SLC25A21: variants seen among roughly 807,000 people sequenced by gnomAD.
SLC25A21 encodes mitochondrial 2-oxodicarboxylate carrier.
SLC25A21 carries 47 observed loss-of-function variants against 43.8 expected under a neutral mutation model. The ratio of observed to expected loss-of-function variants is 1.07; its 90% confidence interval spans 0.85 to 1.37. SLC25A21 has a LOEUF of 1.37. Ranked by LOEUF, SLC25A21 falls within the 40% of genes most tolerant of loss-of-function variation. The pLI, the probability that SLC25A21 is intolerant of heterozygous loss-of-function variation, is 0.00. For synonymous variants in SLC25A21, 131 were observed against 121.3 expected, an observed-to-expected ratio of 1.08 and a Z score of -0.52; for missense variants, 352 against 350.2, an observed-to-expected ratio of 1.00 and a Z score of -0.04.
At chr14:36,987,905 A>G (rs1334546945) in intron 1 of SLC25A21, among the ~76,000 whole-genome samples, 3 of 152,146 alleles carry the variant, frequency 2.0e-5, no homozygotes, top group Non-Finnish European at 4.4e-5. Flanking sequence ...GTTCTTTCAT[A>G]TGGGCTTGGC....
chr14:37,067,326 A>C (rs1029236735), intron 1 of SLC25A21, among the ~76,000 whole-genome samples: 1 of 152,218 alleles, frequency 6.6e-6, no homozygotes, highest in African/African-American at 2.4e-5. Flanking sequence ...GATTATTCCT[A>C]AAGAGCATCA....
At chr14:37,039,406 T>C (rs1303743750) in intron 1 of SLC25A21, among the ~76,000 whole-genome samples, 2 of 152,160 alleles carry the variant, frequency 1.3e-5, no homozygotes, top group African/African-American at 2.4e-5. Flanking sequence ...TTCATTCCCT[T>C]TAGTACATCC....
At chr14:36,823,998 G>A (rs1003311503) in intron 2 of SLC25A21, among the ~76,000 whole-genome samples, 4 of 152,164 alleles carry the variant, frequency 2.6e-5, no homozygotes, top group Admixed American at 6.5e-5. Context: ...CCCTCTCACT[G>A]TCCCTGGGAA....
chr14:36,923,389 G>A (rs952036651), intron 1 of SLC25A21, among the ~76,000 whole-genome samples: 1 of 152,074 alleles, frequency 6.6e-6, no homozygotes. Context: ...CAAAATCTGA[G>A]AGCATTCATT....
chr14:36,758,121 T>A (rs1279024388), intron 3 of SLC25A21, among the ~76,000 whole-genome samples: 2 of 152,178 alleles, frequency 1.3e-5, no homozygotes, highest in African/African-American at 4.8e-5. Flanking sequence ...CAGCCAATGG[T>A]GAACTCTTAC....
chr14:36,687,666 G>A (rs79923792), intron 7 of SLC25A21, among the ~76,000 whole-genome samples: 2,665 of 152,244 alleles, frequency 0.018, 77 homozygotes, highest in African/African-American at 0.062. Context: ...CTGTGTGTGC[G>A]AGGACAACTG....
intron 1 of SLC25A21, among the ~76,000 whole-genome samples, chr14:37,095,913 A>G (rs1457387613): frequency 6.6e-6 from 1 of 152,108 alleles, no homozygotes; most frequent in Non-Finnish European, 1.5e-5. Context: ...CATGGGCCTC[A>G]GGTTGTGGAT....
chr14:36,710,745 C>G (rs984542876), intron 7 of SLC25A21, among the ~76,000 whole-genome samples: 1 of 152,038 alleles, frequency 6.6e-6, no homozygotes, highest in African/African-American at 2.4e-5. Context: ...ACTATCATTT[C>G]AAAATAATAA....
chr14:36,743,148 T>G (rs1041575000), intron 3 of SLC25A21, among the ~76,000 whole-genome samples: 1 of 152,118 alleles, frequency 6.6e-6, no homozygotes, highest in Non-Finnish European at 1.5e-5. Flanking sequence ...TAGTGTGATA[T>G]GAGAACCAGA....
intron 1 of SLC25A21, among the ~76,000 whole-genome samples, chr14:37,031,703 T>C (rs1961214567): frequency 6.6e-6 from 1 of 152,194 alleles, no homozygotes; most frequent in African/African-American, 2.4e-5. Context: ...AAATATTCAC[T>C]CCTACTTTCA....
chr14:36,740,823 T>G (rs1885223736), intron 3 of SLC25A21, among the ~76,000 whole-genome samples: 1 of 152,180 alleles, frequency 6.6e-6, no homozygotes, highest in South Asian at 2.1e-4. Context: ...TGTCTCTCAT[T>G]AGTAGGGTCC....
intron 3 of SLC25A21, among the ~76,000 whole-genome samples, chr14:36,810,958 AGGGTCAGG>A (rs1193483129): frequency 2.0e-5 from 3 of 151,722 alleles, no homozygotes; most frequent in African/African-American, 2.4e-5. Flanking sequence ...TAGAGAAAAG[AGGGTCAGG>A]GAGGGTGAAA....
intron 2 of SLC25A21, among the ~76,000 whole-genome samples, chr14:36,829,709 G>C (rs1888965340): frequency 8.1e-5 from 1 of 12,380 alleles, no homozygotes; most frequent in South Asian, 0.042. Flanking sequence ...GTCTAATGCT[G>C]GTTCCCTTAA....
At chr14:37,118,032 C>G (rs533060742) in intron 1 of SLC25A21, among the ~76,000 whole-genome samples, 44 of 152,114 alleles carry the variant, frequency 2.9e-4, no homozygotes, top group African/African-American at 1.1e-3. Flanking sequence ...TAGCCCTCCC[C>G]AGAAACTAAA....
At chr14:37,038,108 A>T (rs1394246152) in intron 1 of SLC25A21, among the ~76,000 whole-genome samples, 1 of 152,146 alleles carries the variant, frequency 6.6e-6, no homozygotes, top group Non-Finnish European at 1.5e-5. Context: ...AGAAGGATCA[A>T]GACAAATGAC....
chr14:37,112,928 T>C (rs1320057946), intron 1 of SLC25A21, among the ~76,000 whole-genome samples: 1 of 152,106 alleles, frequency 6.6e-6, no homozygotes, highest in Non-Finnish European at 1.5e-5. Flanking sequence ...TAACATAAGC[T>C]TTTTCTACTT....
rs915462440 is a variant in SLC25A21, at chr14:36,679,100, A to G, written c.*1558T>C. ...AGGTTCAATTTCATGACCTCTATGC[A>G]GGCAGCGCTCTCATTGGATGTAAGA... On this transcript the variant is annotated 3_prime_UTR_variant, in exon 10 of 10. Coordinates refer to ENST00000331299, the MANE Select transcript of SLC25A21 (RefSeq NM_030631.4). 5 of 985,318 alleles carry G rather than the reference A, an allele frequency of 5.1e-6. No individual in the cohort carries two copies. In the African/African-American group the frequency reaches 5.2e-5, roughly 10 times the overall value. 61.0% of individuals were successfully genotyped at this position (985,318 alleles called of 1,614,324 possible). A position where few individuals can be genotyped will look rare whatever the true frequency, so the allele number is the denominator to read the frequency against.
At chr14:37,126,514 C>T (rs1448460104) in intron 1 of SLC25A21, among the ~76,000 whole-genome samples, 1 of 151,146 alleles carries the variant, frequency 6.6e-6, no homozygotes, top group Non-Finnish European at 1.5e-5. Context: ...GTATATTTTA[C>T]ATTACAAGTT....
At chr14:37,049,459 C>T (rs1042784058) in intron 1 of SLC25A21, among the ~76,000 whole-genome samples, 11 of 151,878 alleles carry the variant, frequency 7.2e-5, no homozygotes, top group Non-Finnish European at 1.6e-4. Flanking sequence ...ACAGTCCTAG[C>T]AATTAGGGAG....
Sources: allele counts gnomAD v4.1 joint callset (sites outside exome capture counted in the v4.1 genomes callset), GRCh38; gene constraint gnomAD v4.1.1; transcripts MANE v1.5; gene names NCBI Gene and HGNC (gene_info 2026-07-23, HGNC 2026-07-21).